CANX: variants seen among roughly 807,000 people sequenced by gnomAD.
CANX encodes the protein epididymis secretory sperm binding protein.
CANX carries 14 observed loss-of-function variants against 75.7 expected under a neutral mutation model. The ratio of observed to expected loss-of-function variants is 0.19; its 90% CI spans 0.12 to 0.29. CANX has a LOEUF of 0.29. CANX is among the 10% of genes least tolerant of loss of function. The probability of loss-of-function intolerance (pLI) is 1.00; values close to 1 mark genes in which losing one functional copy is unlikely to be tolerated. For missense variants in CANX, 567 were observed against 713.2 expected (o/e 0.79, Z 2.34); for synonymous variants, 227 against 236.9 (o/e 0.96, Z 0.38).
intron 14 of CANX, among the ~76,000 whole-genome samples, chr5:179,728,219 AG>A (rs1778786652): frequency 2.0e-5 from 3 of 152,218 alleles, no homozygotes; most frequent in African/African-American, 7.2e-5. Context: ...CTACTTGGAT[AG>A]CCTTCCATCT....
intron 1 of CANX, among the ~76,000 whole-genome samples, chr5:179,702,414 T>C (rs968569374): frequency 6.6e-6 from 1 of 150,492 alleles, no homozygotes; most frequent in Non-Finnish European, 1.5e-5. Context: ...CTCCCTCCTT[T>C]CCTTCCTTCC....
intron 4 of CANX, among the ~76,000 whole-genome samples, chr5:179,707,711 A>G (rs1390925971): frequency 7.1e-6 from 1 of 140,386 alleles, no homozygotes; most frequent in Non-Finnish European, 1.5e-5. Flanking sequence ...ATTTAATAGG[A>G]TTAGATCTGT....
At position 179,685,606 on chromosome 5, in the gene CANX, G is replaced by A. The variant is rs1212083336; in HGVS notation, c.-4+6829G>A. Among the ~76,000 whole-genome samples the A allele has an allele frequency of 2.8e-5, 4 of 141,552 alleles. No individual in the cohort carries two copies. In the Admixed American group the frequency reaches 3.0e-4, roughly 11 times the overall value. The allele number at this position is 141,552 out of a possible 152,430, so 92.9% of individuals were successfully genotyped here. A position where few individuals can be genotyped will look rare whatever the true frequency, so the allele number is the denominator to read the frequency against. ...TTTCGCTCTTGTTGCCCAGGCTGGA[G>A]TGCAGTGGCGTGATCTCGGCTCACT... is the stretch of plus-strand genomic sequence containing the variant. On this transcript the variant is annotated intron_variant, in intron 1 of 14. Coordinates refer to the CANX transcript ENST00000681674.
At chr5:179,688,317 T>G (rs1317886862) in intron 1 of CANX, among the ~76,000 whole-genome samples, 1 of 149,384 alleles carries the variant, frequency 6.7e-6, no homozygotes, top group Non-Finnish European at 1.5e-5. Context: ...CCTCCCAAAG[T>G]GCTGGGATTA....
upstream of CANX, among the ~76,000 whole-genome samples, chr5:179,695,068 G>T (rs1460970941): frequency 1.9e-5 from 2 of 104,000 alleles, no homozygotes; most frequent in Admixed American, 2.3e-4. Flanking sequence ...ATTTATTTTT[G>T]AGACGGAATC....
Position 179,723,775 on chromosome 5 carries a change from G to C in CANX, c.1514G>C (p.Gly505Ala). The C allele has an allele frequency of 6.2e-7, 1 of 1,600,898 alleles. No homozygotes were observed. Among genetic ancestry groups the C allele is most frequent in the South Asian group, 1.1e-5 (1 of 87,800 alleles). ...CTGGTTATCCTCTTCTGCTGTTCTG[G>C]AAAGGTAGGAAGTTTTTTTTTTTAG... The part of the protein sequence containing the change: ...VFLVILFCCS[G>A]KKQTSGMEYK... The change falls in exon 12 of 15, where the codon GGA becomes GCA. Residue 505 changes from glycine (G) to alanine (A), a missense_variant. Coordinates refer to ENST00000247461, the MANE Select transcript of CANX (RefSeq NM_001746.4).
At chr5:179,686,693 T>C (rs747193639) in intron 1 of CANX, among the ~76,000 whole-genome samples, 1 of 152,058 alleles carries the variant, frequency 6.6e-6, no homozygotes, top group African/African-American at 2.4e-5. Context: ...CTTGAACTCC[T>C]GGGCTCAAGC....
chr5:179,698,799 G>C, upstream of CANX: 1 of 678,668 alleles, frequency 1.5e-6, no homozygotes, highest in Non-Finnish European at 2.2e-6. Context: ...ACTCCACGAA[G>C]AATAGCCGTA....
chr5:179,719,946 C>T (rs915043843), intron 9 of CANX, among the ~76,000 whole-genome samples, 165 bp downstream of exon 9: 1 of 151,938 alleles, frequency 6.6e-6, no homozygotes, highest in Non-Finnish European at 1.5e-5. Flanking sequence ...ATCAGCCTTG[C>T]GAGTAGCTGG....
chr5:179,688,207 G>A (rs1457975411), intron 1 of CANX, among the ~76,000 whole-genome samples: 6 of 146,310 alleles, frequency 4.1e-5, no homozygotes, highest in Non-Finnish European at 9.0e-5. Context: ...ACAGGTTAGC[G>A]CCACCACACC....
chr5:179,727,236 G>C (rs1449753335), intron 14 of CANX, among the ~76,000 whole-genome samples: 1 of 152,106 alleles, frequency 6.6e-6, no homozygotes, highest in Non-Finnish European at 1.5e-5. Flanking sequence ...CTGCCTTTAG[G>C]GAGCTTAAAT....
intron 7 of CANX, among the ~76,000 whole-genome samples, chr5:179,714,609 C>A (rs2113206846): frequency 6.6e-6 from 1 of 152,144 alleles, no homozygotes; most frequent in South Asian, 2.1e-4. Context: ...ACTCCGCCTC[C>A]CGGGTTCACG....
intron 1 of CANX, among the ~76,000 whole-genome samples, chr5:179,692,284 A>G (rs1174140708): frequency 1.3e-5 from 2 of 152,010 alleles, no homozygotes; most frequent in African/African-American, 4.8e-5. Context: ...CATGTTGGCC[A>G]GGCTGGTCTT....
intron 1 of CANX, among the ~76,000 whole-genome samples, chr5:179,689,076 C>T: frequency 6.6e-6 from 1 of 152,000 alleles, no homozygotes; most frequent in Non-Finnish European, 1.5e-5. Flanking sequence ...TGGTGAAACC[C>T]CCTCCCTACT....
intron 1 of CANX, among the ~76,000 whole-genome samples, chr5:179,679,855 C>T (rs1776010495): frequency 6.6e-6 from 1 of 151,092 alleles, no homozygotes; most frequent in Non-Finnish European, 1.5e-5. Flanking sequence ...GACGGGGTTT[C>T]ACCATGTTGG....
chr5:179,678,673 C>G (rs1352350117), exon 1 of CANX: 1 of 1,535,618 alleles, frequency 6.5e-7, no homozygotes, highest in Admixed American at 2.0e-5. Flanking sequence ...CGGCGCGCGC[C>G]GCAGCCGTCG....
At chr5:179,718,080 C>CT (rs990451995) in intron 8 of CANX, among the ~76,000 whole-genome samples, 1 of 152,194 alleles carries the variant, frequency 6.6e-6, no homozygotes, top group Non-Finnish European at 1.5e-5. Flanking sequence ...TCACGGCTCA[C>CT]TGCAGCTTCC....
upstream of CANX, chr5:179,698,617 G>T (rs1413116022): frequency 7.8e-7 from 1 of 1,284,920 alleles, no homozygotes; most frequent in Non-Finnish European, 1.0e-6. Flanking sequence ...AGGGCTACTG[G>T]GGGTTGGGTT....
rs992257090 is a variant in CANX at position 179,724,662 on chromosome 5, G to C, written c.1524G>C (p.Gln508His). The C allele has an allele frequency of 1.9e-6, 3 of 1,613,250 alleles. No homozygotes were observed. Among genetic ancestry groups the C allele is most frequent in the Admixed American group, 1.7e-5 (1 of 59,944 alleles). The part of the protein sequence containing the change: ...VILFCCSGKK[Q>H]TSGMEYKKTD... ...TACTTTGGGGAACATTTCAGAAACA[G>C]ACCAGTGGTATGGAGTATAAGAAAA... Residue 508 changes from glutamine (Q) to histidine (H), a missense_variant, in exon 13 of 15, where the codon CAG becomes CAC. Gln to His is a conservative substitution (Grantham distance 24). Coordinates refer to ENST00000247461, the MANE Select transcript of CANX (RefSeq NM_001746.4).
Sources: allele counts gnomAD v4.1 joint callset (sites outside exome capture counted in the v4.1 genomes callset), GRCh38; gene constraint gnomAD v4.1.1; transcripts MANE v1.5; gene names NCBI Gene and HGNC (gene_info 2026-07-23, HGNC 2026-07-21).